GLRA2: variants seen among roughly 807,000 people sequenced by gnomAD.
The protein encoded by GLRA2 is glycine receptor subunit alpha-2.
Under a neutral mutation model 31.6 loss-of-function variants are expected in GLRA2, and 11 were observed. The ratio of observed to expected loss-of-function variants is 0.35; its 90% CI spans 0.22 to 0.58. The LOEUF (loss-of-function observed/expected upper bound fraction) is 0.58. Among genes scored for constraint, GLRA2 ranks in the 20% least tolerant of loss-of-function variants. The probability of loss-of-function intolerance (pLI) is 0.84; values close to 1 mark genes in which losing one functional copy is unlikely to be tolerated. For missense variants in GLRA2, 212 were observed against 351.8 expected, an observed-to-expected ratio of 0.60 and a Z score of 3.18; for synonymous variants, 132 against 134.0, an observed-to-expected ratio of 0.99 and a Z score of 0.10.
In GLRA2 at chrX:14,592,327, G is replaced by A. The variant is rs1237373584; in HGVS notation, c.494+10921G>A. ...TCCTGAGAAGAGGAACCTGATTTTGGAGTAGGTTAGGGAGGTTTGGACTAC... is the reference window on the plus strand; with the variant it reads ...TCCTGAGAAGAGGAACCTGATTTTGAAGTAGGTTAGGGAGGTTTGGACTAC... On this transcript the variant is annotated intron_variant, in intron 4 of 8. Coordinates refer to ENST00000218075, the MANE Select transcript of GLRA2 (RefSeq NM_002063.4). Among the ~76,000 whole-genome samples, 5 of 111,052 alleles carry A rather than the reference G, an allele frequency of 4.5e-5. 1 individual carries two copies. Among genetic ancestry groups the A allele is most frequent in the Admixed American group, 2.9e-4 (3 of 10,348 alleles).
chrX:14,691,099 A>C (rs1041215197), intron 8 of GLRA2, among the ~76,000 whole-genome samples: 2 of 112,144 alleles, frequency 1.8e-5, no homozygotes, highest in African/African-American at 6.5e-5. Flanking sequence ...ACAAGAAACA[A>C]TTTTTAGTAT....
chrX:14,511,170 G>T, the GLRA2 span, among the ~76,000 whole-genome samples: 2 of 111,726 alleles, frequency 1.8e-5, no homozygotes, highest in Admixed American at 1.9e-4. Context: ...ACCTGATTTA[G>T]TTTTGTAATA....
At chrX:14,605,732 A>AT (rs2090326270) in intron 5 of GLRA2, among the ~76,000 whole-genome samples, 1 of 111,685 alleles carries the variant, frequency 9.0e-6, no homozygotes, top group African/African-American at 3.2e-5. Context: ...GGGAATTATT[A>AT]TTTTTTTCCT....
chrX:14,582,053 G>C (rs2090023397), intron 4 of GLRA2, among the ~76,000 whole-genome samples: 1 of 60,202 alleles, frequency 1.7e-5, no homozygotes, highest in African/African-American at 8.8e-5. Context: ...TCATATAGCA[G>C]TTTCTTTTTT....
At chrX:14,699,491 A>C (rs1383858278) in intron 8 of GLRA2, among the ~76,000 whole-genome samples, 1 of 112,196 alleles carries the variant, frequency 8.9e-6, no homozygotes, top group East Asian at 2.8e-4. Context: ...TATGGGGTAC[A>C]ATGTGAGGTT....
At chrX:14,524,025 A>G in the GLRA2 span, among the ~76,000 whole-genome samples, 2 of 112,027 alleles carry the variant, frequency 1.8e-5, no homozygotes, top group Non-Finnish European at 3.8e-5. Context: ...CAGTCACATA[A>G]TGTGACACAA....
chrX:14,645,104 T>C (rs1212562550), intron 7 of GLRA2, among the ~76,000 whole-genome samples: 1 of 111,983 alleles, frequency 8.9e-6, no homozygotes, highest in Non-Finnish European at 1.9e-5. Flanking sequence ...ATGTTGGTTT[T>C]AAAAAACTGA....
At position 14,608,133 on chromosome X, in the gene GLRA2, T is replaced by C. The variant is rs1173813554; in HGVS notation, c.716-858T>C. Among the ~76,000 whole-genome samples the C allele has an allele frequency of 5.4e-5, 6 of 111,372 alleles. No homozygotes were observed. In the South Asian group the frequency reaches 1.9e-3, roughly 35 times the overall value. On this transcript the variant is annotated intron_variant, in intron 6 of 8. Coordinates refer to ENST00000218075, the MANE Select transcript of GLRA2 (RefSeq NM_002063.4). ...CAAAACCTGATTCCAAGGATGTTTTTTTTCTGACCAAGAAGAATTCAACCC... is the reference window on the plus strand; with the variant it reads ...CAAAACCTGATTCCAAGGATGTTTTCTTTCTGACCAAGAAGAATTCAACCC...
chrX:14,516,153 T>C, the GLRA2 span, among the ~76,000 whole-genome samples: 1 of 111,306 alleles, frequency 9.0e-6, no homozygotes, highest in African/African-American at 3.3e-5. Context: ...GCTCATATAG[T>C]AGAGGGTCTT....
chrX:14,665,169 G>A (rs747219225), intron 7 of GLRA2, among the ~76,000 whole-genome samples: 2 of 111,950 alleles, frequency 1.8e-5, no homozygotes, highest in East Asian at 5.6e-4. Context: ...TCTCAGTTGA[G>A]TATTGGTTTT....
At chrX:14,547,839 G>A (rs975572563) in intron 2 of GLRA2, among the ~76,000 whole-genome samples, 17 of 111,599 alleles carry the variant, frequency 1.5e-4, no homozygotes, top group Non-Finnish European at 9.4e-5. Context: ...CTTGTGATTA[G>A]TTGCTTCTCT....
chrX:14,601,477 AAT>A, intron 4 of GLRA2, among the ~76,000 whole-genome samples: 1 of 112,022 alleles, frequency 8.9e-6, no homozygotes, highest in Non-Finnish European at 1.9e-5. Context: ...CTGTTATATG[AAT>A]AGTTTTTATG....
intron 2 of GLRA2, among the ~76,000 whole-genome samples, chrX:14,548,510 T>C (rs939562553): frequency 1.8e-5 from 2 of 111,652 alleles, no homozygotes; most frequent in African/African-American, 3.3e-5. Context: ...AAGTACAAAG[T>C]AGAGGGTGAT....
At chrX:14,538,269 C>T (rs1371983081) in intron 2 of GLRA2, among the ~76,000 whole-genome samples, 1 of 110,990 alleles carries the variant, frequency 9.0e-6, no homozygotes, top group African/African-American at 3.3e-5. Flanking sequence ...TTTCTTCTGC[C>T]TTTACCTACC....
chrX:14,563,732 A>T (rs922857411), intron 2 of GLRA2, among the ~76,000 whole-genome samples: 1 of 112,047 alleles, frequency 8.9e-6, no homozygotes, highest in Non-Finnish European at 1.9e-5. Context: ...GGAAATCAGG[A>T]ATATTATGTA....
the GLRA2 span, among the ~76,000 whole-genome samples, chrX:14,464,367 A>T: frequency 2.7e-5 from 3 of 110,693 alleles, no homozygotes; most frequent in Non-Finnish European, 5.7e-5. Flanking sequence ...ATAAGGTGAG[A>T]GGTGGGGGTC....
the GLRA2 span, among the ~76,000 whole-genome samples, chrX:14,509,568 G>A: frequency 7.1e-5 from 8 of 112,366 alleles, no homozygotes; most frequent in Non-Finnish European, 1.1e-4. Flanking sequence ...ATCTAATGTA[G>A]TGGCTTCATA....
intron 8 of GLRA2, among the ~76,000 whole-genome samples, chrX:14,711,880 T>C (rs759042241): frequency 8.9e-6 from 1 of 112,371 alleles, no homozygotes; most frequent in African/African-American, 3.2e-5. Flanking sequence ...TATCTTACAA[T>C]AATTTTCTTA....
rs372265920 is a variant in GLRA2, at chrX:14,607,277, C to CTTT, written c.715+22_715+24dup. 4,890 of 962,802 alleles carry CTTT rather than the reference C, an allele frequency of 5.1e-3. 1 individual carries two copies. Among genetic ancestry groups the CTTT allele is most frequent in the Non-Finnish European group, 5.8e-3 (4,218 of 721,796 alleles). The allele number at this position is 962,802 out of a possible 1,213,427, so 79.3% of individuals were successfully genotyped here. A position where few individuals can be genotyped will look rare whatever the true frequency, so the allele number is the denominator to read the frequency against. On this transcript the variant is annotated intron_variant, in intron 6 of 8. Coordinates refer to ENST00000218075, the MANE Select transcript of GLRA2 (RefSeq NM_002063.4). ...AAAGCACTACAACACTGGTAAGTTT[C>CTTT]TTTTTTTTTTTTTTTCAGCTGTTAA...
Sources: gnomAD v4.1 joint callset for allele counts (sites outside exome capture counted in the v4.1 genomes callset) on GRCh38, gnomAD v4.1.1 for gene constraint, MANE v1.5 for transcripts, NCBI Gene and HGNC (gene_info 2026-07-23, HGNC 2026-07-21) for gene names.